The following CDC23 variants were observed in gnomAD, a reference collection of about 807,000 sequenced individuals.
The protein encoded by CDC23 is cell division cycle 23.
CDC23 carries 26 observed loss-of-function variants against 81.7 expected under a neutral mutation model. That is an observed-to-expected ratio of 0.32 (90% CI 0.23 to 0.44). The LOEUF is 0.44. Among genes scored for constraint, CDC23 ranks in the 20% least tolerant of loss-of-function variants. The pLI, the probability that CDC23 is intolerant of heterozygous loss-of-function variation, is 1.00. For synonymous variants in CDC23, 267 were observed against 270.8 expected (o/e 0.99, Z 0.14); for missense variants, 519 against 728.0 (o/e 0.71, Z 3.30).
chr5:138,203,161 G>C (rs1755007507), intron 3 of CDC23, among the ~76,000 whole-genome samples: 1 of 152,152 alleles, frequency 6.6e-6, no homozygotes, highest in Admixed American at 6.6e-5. Flanking sequence ...AAAAAAGGAG[G>C]AGAGAGGGAA....
chr5:138,195,827 T>C (rs2126582459), intron 9 of CDC23, among the ~76,000 whole-genome samples: 2 of 131,544 alleles, frequency 1.5e-5, no homozygotes, highest in Non-Finnish European at 3.1e-5. Context: ...ATATAATATA[T>C]ATTATATACA....
intron 3 of CDC23, among the ~76,000 whole-genome samples, chr5:138,204,837 G>T (rs554314955): frequency 6.6e-6 from 1 of 151,452 alleles, no homozygotes; most frequent in Admixed American, 6.6e-5. Flanking sequence ...TTGATCTCCT[G>T]ACCTCGTGAT....
Position 138,187,745 on chromosome 5 carries a change from G to T in CDC23, c.*1233C>A. ...AAAATTAAGAATCAAACATCATTCT[G>T]GACCATGGGAACCTTGAAAAGGCAT... On this transcript the variant is annotated 3_prime_UTR_variant, in exon 16 of 16. Transcript: ENST00000394886. 1 of 229,370 alleles carries T rather than the reference G, an allele frequency of 4.4e-6. No individual in the cohort carries two copies. The highest frequency in any genetic ancestry group is 8.7e-6 in the Non-Finnish European group (1 of 114,674). 14.2% of individuals were successfully genotyped at this position (229,370 alleles called of 1,614,324 possible). A position where few individuals can be genotyped will look rare whatever the true frequency, so the allele number is the denominator to read the frequency against.
At chr5:138,206,721 T>TA (rs1296081169) in intron 2 of CDC23, 37 bp from the exon 3 acceptor site, 2 of 1,567,894 alleles carry the variant, frequency 1.3e-6, no homozygotes. Context: ...TGGTTGGGAA[T>TA]AGGACAACAA....
chr5:138,190,939 C>T (rs566269912), intron 13 of CDC23, among the ~76,000 whole-genome samples: 1 of 151,620 alleles, frequency 6.6e-6, no homozygotes, highest in South Asian at 2.1e-4. Context: ...AACCTCTTTA[C>T]ATTTAAGAAC....
chr5:138,204,087 G>A (rs1433080933), intron 3 of CDC23, among the ~76,000 whole-genome samples: 1 of 152,200 alleles, frequency 6.6e-6, no homozygotes, highest in Non-Finnish European at 1.5e-5. Context: ...GATGATATCT[G>A]CAACTTATTC....
At chr5:138,194,397 G>C (rs1754860266) in intron 9 of CDC23, among the ~76,000 whole-genome samples, 1 of 152,120 alleles carries the variant, frequency 6.6e-6, no homozygotes, top group Non-Finnish European at 1.5e-5. Flanking sequence ...ACTCCAGCCT[G>C]GTGACAGAGA....
intron 9 of CDC23, among the ~76,000 whole-genome samples, chr5:138,195,576 AATATATTATATATAAT>A (rs1303583389): frequency 1.9e-4 from 11 of 58,348 alleles, no homozygotes; most frequent in South Asian, 6.6e-4. Context: ...ATTTATATAT[AATATATTATATATAAT>A]ATATATTATA....
chr5:138,195,571 TATATAATATATTATATATA>T (rs1455628718), intron 9 of CDC23, among the ~76,000 whole-genome samples: 2 of 114,992 alleles, frequency 1.7e-5, no homozygotes, highest in African/African-American at 6.8e-5. Flanking sequence ...AATATATTTA[TATATAATATATTATATATA>T]ATATATATTA....
Position 138,211,636 on chromosome 5 carries a change from G to A in CDC23, c.234+1355C>T, listed in dbSNP as rs566532359. Among the ~76,000 whole-genome samples the A allele has an allele frequency of 2.0e-3, 306 of 151,540 alleles. 2 individuals are homozygous for A. Among genetic ancestry groups the A allele is most frequent in the African/African-American group, 6.9e-3 (287 of 41,302 alleles). On this transcript the variant is annotated intron_variant, in intron 2 of 15. Transcript: ENST00000394886. ...CATCATGCCATTGCACTCCAGCCTGGGCAACAAGAGCAAGACTCCGTCTCA... is the reference window on the plus strand; with the variant it reads ...CATCATGCCATTGCACTCCAGCCTGAGCAACAAGAGCAAGACTCCGTCTCA...
At chr5:138,208,162 G>T (rs1348353132) in intron 2 of CDC23, among the ~76,000 whole-genome samples, 2 of 151,902 alleles carry the variant, frequency 1.3e-5, no homozygotes, top group Admixed American at 1.3e-4. Flanking sequence ...AGTTTCACCA[G>T]GCTGGTCTTG....
chr5:138,191,806 C>T (rs921884164), intron 12 of CDC23, 56 bp downstream of exon 12: 59 of 1,371,960 alleles, frequency 4.3e-5, no homozygotes, highest in Admixed American at 8.4e-5. Context: ...GATAGCCCAA[C>T]CTTCATCTAA....
At chr5:138,191,753 T>C (rs1165308355) in intron 12 of CDC23, 109 bp downstream of exon 12, 1 of 1,008,900 alleles carries the variant, frequency 9.9e-7, no homozygotes, top group Non-Finnish European at 1.6e-6. Context: ...TATTCAGACT[T>C]TCCTATGCAC....
Position 138,192,518 on chromosome 5 carries a change from A to G in CDC23, c.1152T>C (p.Ala384=). 1 of 1,614,106 alleles carries G rather than the reference A, an allele frequency of 6.2e-7. No individual in the cohort carries two copies. Among genetic ancestry groups the G allele is most frequent in the Non-Finnish European group, 8.5e-7 (1 of 1,180,010 alleles). ...EYMEMKNTSA[A]IQAYRHAIEV... ...TAGATAATCACCTATAAGCCTGGAT[A>G]GCAGCAGACGTGTTCTTCATCTCCA... Residue 384 remains alanine, a synonymous_variant, in exon 10 of 16, where the codon GCT becomes GCC. Coordinates refer to ENST00000394886, the MANE Select transcript of CDC23 (RefSeq NM_004661.4).
intron 9 of CDC23, among the ~76,000 whole-genome samples, chr5:138,192,991 G>A (rs926571077): frequency 2.0e-5 from 3 of 152,146 alleles, no homozygotes; most frequent in African/African-American, 7.2e-5. Flanking sequence ...AAGCAGTAGT[G>A]TAATCACAGC....
chr5:138,212,464 G>A (rs140531087), intron 2 of CDC23, among the ~76,000 whole-genome samples: 1,782 of 152,142 alleles, frequency 0.012, 43 homozygotes, highest in African/African-American at 0.041. Context: ...GATTACAGGC[G>A]CGCGCCACCA....
chr5:138,192,687 A>C (rs1237788475), intron 9 of CDC23, 30 bp from the exon 10 acceptor site: 1 of 1,590,026 alleles, frequency 6.3e-7, no homozygotes, highest in East Asian at 2.2e-5. Flanking sequence ...AAAAATGAAT[A>C]ATCAGAAAGG....
intron 2 of CDC23, among the ~76,000 whole-genome samples, chr5:138,211,555 C>T (rs907584893): frequency 7.9e-5 from 12 of 151,740 alleles, no homozygotes; most frequent in Admixed American, 3.3e-4. Context: ...CCGAGCTACT[C>T]GGGAGGTTGA....
At chr5:138,189,230 T>G in intron 15 of CDC23, 82 bp from the exon 16 acceptor site, 1 of 1,344,128 alleles carries the variant, frequency 7.4e-7, no homozygotes, top group Non-Finnish European at 1.0e-6. Flanking sequence ...GTTAAACAAG[T>G]TCCACAGATC....
Sources: allele counts gnomAD v4.1 joint callset (sites outside exome capture counted in the v4.1 genomes callset), GRCh38; gene constraint gnomAD v4.1.1; transcripts MANE v1.5; gene names NCBI Gene and HGNC (gene_info 2026-07-23, HGNC 2026-07-21).